Variants in NAV2 observed in about 807,000 individuals in gnomAD.
The protein encoded by NAV2 is neuron navigator 2.
NAV2 carries 54 observed loss-of-function variants against 223.2 expected under a neutral mutation model. The ratio of observed to expected loss-of-function variants is 0.24; its 90% CI spans 0.19 to 0.30. The LOEUF (loss-of-function observed/expected upper bound fraction) is 0.30, where lower values mean the gene tolerates loss of function less well. Ranked by LOEUF, NAV2 falls within the 10% of genes least tolerant of loss-of-function variation. The pLI is 1.00. For missense variants in NAV2, 2,806 were observed against 3,147.5 expected (o/e 0.89, Z 2.60); for synonymous variants, 1,279 against 1,239.3 (o/e 1.03, Z -0.67).
chr11:19,889,999 C>T (rs144749440), intron 5 of NAV2, among the ~76,000 whole-genome samples: 135 of 152,292 alleles, frequency 8.9e-4, no homozygotes, highest in African/African-American at 2.9e-3. Context: ...TGTGCCATAG[C>T]ATGTTTCTTT....
chr11:19,490,243 G>C (rs1394316033), intron 1 of NAV2, among the ~76,000 whole-genome samples: 1 of 152,168 alleles, frequency 6.6e-6, no homozygotes, highest in South Asian at 2.1e-4. Context: ...TGGCATGGCT[G>C]TGGCAATTTC....
intron 22 of NAV2, among the ~76,000 whole-genome samples, chr11:20,072,543 G>A (rs1351376859): frequency 6.6e-6 from 1 of 152,122 alleles, no homozygotes; most frequent in Non-Finnish European, 1.5e-5. Flanking sequence ...CCATTTTCAT[G>A]ATATTGATTC....
At chr11:19,607,136 G>C (rs2046497819) in intron 1 of NAV2, among the ~76,000 whole-genome samples, 1 of 152,232 alleles carries the variant, frequency 6.6e-6, no homozygotes, top group East Asian at 1.9e-4. Context: ...TGTGTCCCTG[G>C]AGAGTTTGAA....
chr11:19,834,697 T>C (rs1322422545), intron 2 of NAV2, among the ~76,000 whole-genome samples: 2 of 152,176 alleles, frequency 1.3e-5, no homozygotes, highest in African/African-American at 4.8e-5. Context: ...TGTTTCTACC[T>C]GAAAACTTCC....
At chr11:19,743,488 T>G (rs2053041298) in intron 1 of NAV2, among the ~76,000 whole-genome samples, 1 of 152,232 alleles carries the variant, frequency 6.6e-6, no homozygotes, top group Admixed American at 6.5e-5. Flanking sequence ...GGGTCTTGCC[T>G]GCAGTCTGCT....
chr11:19,962,831 G>T (rs2048447552), intron 10 of NAV2, among the ~76,000 whole-genome samples: 1 of 152,148 alleles, frequency 6.6e-6, no homozygotes, highest in South Asian at 2.1e-4. Flanking sequence ...TATAAATCAA[G>T]CCCACATTCA....
At chr11:20,066,970 A>G (rs1344545776) in intron 20 of NAV2, among the ~76,000 whole-genome samples, 1 of 152,120 alleles carries the variant, frequency 6.6e-6, no homozygotes, top group Admixed American at 6.5e-5. Context: ...GAGGGAAAGA[A>G]AGGTTCCTCC....
chr11:19,397,148 C>T (rs1440787069), intron 1 of NAV2, among the ~76,000 whole-genome samples: 1 of 152,142 alleles, frequency 6.6e-6, no homozygotes, highest in African/African-American at 2.4e-5. Context: ...GGGGACTATT[C>T]TTAGCTGCTT....
At chr11:19,361,018 T>C (rs1049987000) in intron 1 of NAV2, among the ~76,000 whole-genome samples, 1 of 151,754 alleles carries the variant, frequency 6.6e-6, no homozygotes, top group Non-Finnish European at 1.5e-5. Flanking sequence ...GTGATCTGAG[T>C]TTCAATCCTG....
chr11:19,370,203 A>G (rs1389026486), intron 1 of NAV2, among the ~76,000 whole-genome samples: 1 of 152,232 alleles, frequency 6.6e-6, no homozygotes, highest in Non-Finnish European at 1.5e-5. Flanking sequence ...AGCTCAATTA[A>G]TAATGTACTC....
In NAV2 at chr11:19,976,597, C is replaced by T. The variant is rs559730686; in HGVS notation, c.2646-7528C>T. 2.6e-5 allele frequency among the ~76,000 whole-genome samples: 4 copies of T among 152,308 alleles called. No homozygotes were observed. The East Asian group carries it at 7.7e-4, about 29-fold the overall frequency. ...GCTTAGCAACATCTTTGCAGTACTC[C>T]CCAGTGAGGTGTGCTCTGTTGACTG... On this transcript the variant is annotated intron_variant, in intron 10 of 37. Transcript: ENST00000349880.
intron 1 of NAV2, among the ~76,000 whole-genome samples, chr11:19,735,684 T>C (rs760172773): frequency 4.6e-5 from 7 of 152,208 alleles, no homozygotes; most frequent in Admixed American, 6.5e-5. Context: ...TGCATGAAAT[T>C]TTAATAACCT....
Position 19,429,040 on chromosome 11 carries a change from C to T in NAV2, c.75+78013C>T, listed in dbSNP as rs74878976. On this transcript the variant is annotated intron_variant, in intron 1 of 37. Transcript: ENST00000360655. Reference sequence around the variant, plus strand: ...CTGGGGAGAAGGGGAATGGGGAAGACCCTAAATGGACCTCCATCCTTTTCT... The same window carrying T: ...CTGGGGAGAAGGGGAATGGGGAAGATCCTAAATGGACCTCCATCCTTTTCT... Among the ~76,000 whole-genome samples the T allele has an allele frequency of 2.4e-3, 363 of 152,286 alleles. 2 individuals are homozygous for T. The highest frequency in any genetic ancestry group is 7.8e-3 in the African/African-American group (324 of 41,564).
At chr11:19,562,160 A>G (rs1472404669) in intron 1 of NAV2, among the ~76,000 whole-genome samples, 2 of 152,232 alleles carry the variant, frequency 1.3e-5, no homozygotes, top group Non-Finnish European at 2.9e-5. Context: ...AACAAAAACC[A>G]TCACAACAAT....
At chr11:19,860,529 C>T (rs1477013699) in intron 3 of NAV2, among the ~76,000 whole-genome samples, 10 of 149,090 alleles carry the variant, frequency 6.7e-5, no homozygotes, top group Middle Eastern at 3.5e-3. Context: ...TGGGCAGAGA[C>T]GCTCCTCACT....
At chr11:19,881,415 A>G (rs915363970) in intron 5 of NAV2, among the ~76,000 whole-genome samples, 4 of 152,116 alleles carry the variant, frequency 2.6e-5, no homozygotes, top group African/African-American at 9.7e-5. Flanking sequence ...CCTGATGGAC[A>G]TGGGTTATTT....
intron 37 of NAV2, among the ~76,000 whole-genome samples, chr11:20,116,059 T>C (rs1490068179): frequency 6.6e-6 from 1 of 152,140 alleles, no homozygotes; most frequent in Non-Finnish European, 1.5e-5. Flanking sequence ...GAAGCAAATA[T>C]ACCAAAACCT....
intron 32 of NAV2, among the ~76,000 whole-genome samples, chr11:20,101,585 A>G (rs2061645866): frequency 6.6e-6 from 1 of 152,218 alleles, no homozygotes; most frequent in South Asian, 2.1e-4. Flanking sequence ...ACCTTCTCAC[A>G]GCAATACCTT....
chr11:19,965,132 T>C (rs1303437397), intron 10 of NAV2, among the ~76,000 whole-genome samples: 1 of 151,978 alleles, frequency 6.6e-6, no homozygotes, highest in Non-Finnish European at 1.5e-5. Flanking sequence ...TATTTTAATC[T>C]CTATGTTCTA....
Sources: gnomAD v4.1 joint callset for allele counts (sites outside exome capture counted in the v4.1 genomes callset) on GRCh38, gnomAD v4.1.1 for gene constraint, MANE v1.5 for transcripts, NCBI Gene and HGNC (gene_info 2026-07-23, HGNC 2026-07-21) for gene names.